ERBIN: variants seen among roughly 807,000 people sequenced by gnomAD.
ERBIN encodes the protein erbb2 interacting protein, also known as densin-180-like protein.
ERBIN carries 60 observed loss-of-function variants against 158.4 expected under a neutral mutation model. That is an observed-to-expected ratio of 0.38 (90% confidence interval 0.31 to 0.47). The LOEUF is 0.47. Ranked by LOEUF, ERBIN falls within the 20% of genes least tolerant of loss-of-function variation. The probability of loss-of-function intolerance (pLI) is 0.99; values close to 1 mark genes in which losing one functional copy is unlikely to be tolerated. For synonymous variants in ERBIN, 594 were observed against 557.2 expected, an observed-to-expected ratio of 1.07 and a Z score of -0.93; for missense variants, 1,610 against 1,648.0, an observed-to-expected ratio of 0.98 and a Z score of 0.40.
intron 15 of ERBIN, among the ~76,000 whole-genome samples, chr5:66,041,284 C>T (rs940123028): frequency 7.2e-5 from 11 of 151,952 alleles, no homozygotes; most frequent in Admixed American, 7.2e-4. Flanking sequence ...TGGAAAAGTC[C>T]TGGGTATGAC....
At chr5:66,046,313 A>G in intron 17 of ERBIN, 40 bp from the exon 18 acceptor site, 1 of 1,215,258 alleles carries the variant, frequency 8.2e-7, no homozygotes, top group Non-Finnish European at 1.1e-6. Context: ...TAGATATAAA[A>G]CTTAAAGAAT....
In ERBIN at chr5:66,042,671, T is replaced by C. The variant is rs1284187756; in HGVS notation, c.1307-406T>C. 2.6e-5 allele frequency among the ~76,000 whole-genome samples: 4 copies of C among 152,118 alleles called. 1 individual carries two copies. Among genetic ancestry groups the C allele is most frequent in the Non-Finnish European group, 5.9e-5 (4 of 67,954 alleles). ...TTTCCATTATTTTTACATTTTGATA[T>C]AGAAAATATATTGTAAGAACTTAGT... On this transcript the variant is annotated intron_variant, in intron 15 of 25. Coordinates refer to ENST00000284037, the MANE Select transcript of ERBIN (RefSeq NM_001253697.2).
In ERBIN at chr5:66,043,115, T is replaced by G; in HGVS notation, c.1345T>G (p.Leu449Val). ...AGATAATGAAAGTTTTAACCCTTCA[T>G]TGTGGGAGGAACAGAGGAAACAGCG... The part of the protein sequence containing the change: ...ISDNESFNPS[L>V]WEEQRKQRAQ... Residue 449 changes from leucine to valine, a missense_variant, in exon 16 of 26, where the codon TTG becomes GTG. By Grantham distance (32) the Leu-to-Val change is conservative (BLOSUM62 1). Transcript: ENST00000284037. 6.2e-7 allele frequency: 1 copy of G among 1,610,452 alleles called. No homozygotes were observed. The highest frequency in any genetic ancestry group is 1.1e-5 in the South Asian group (1 of 90,994).
intron 1 of ERBIN, among the ~76,000 whole-genome samples, chr5:65,983,262 TATAAGTATG>T (rs1368811477): frequency 2.6e-5 from 4 of 152,212 alleles, no homozygotes; most frequent in African/African-American, 9.6e-5. Flanking sequence ...ATCTTCTAGT[TATAAGTATG>T]ATCTAGCCAT....
chr5:66,004,176 C>T (rs2151082554), intron 4 of ERBIN, among the ~76,000 whole-genome samples: 1 of 149,762 alleles, frequency 6.7e-6, no homozygotes, highest in South Asian at 2.1e-4. Flanking sequence ...TCCTTGTCCT[C>T]AAACAGTACT....
chr5:66,050,610 T>G (rs994086752), intron 19 of ERBIN, among the ~76,000 whole-genome samples, 173 bp from the exon 20 acceptor site: 6 of 152,056 alleles, frequency 3.9e-5, no homozygotes, highest in African/African-American at 1.4e-4. Flanking sequence ...CATCTAAAAA[T>G]TATTTAATCT....
intron 1 of ERBIN, among the ~76,000 whole-genome samples, chr5:65,929,608 A>C (rs73105531): frequency 0.032 from 4,768 of 149,760 alleles, 126 homozygotes; most frequent in African/African-American, 0.072. Flanking sequence ...CTCTATTATA[A>C]ACCTCTAAAG....
rs1755124740 is a variant in ERBIN, at chr5:66,018,487, TTATATTATATA to T, written c.534-2834_534-2824del. On this transcript the variant is annotated intron_variant, in intron 7 of 25. Transcript: ENST00000284037. ...TATAATATATATTATATATTATATA[TTATATTATATA>T]ATATATATTATATATTATATAATAT... 3.0e-4 allele frequency among the ~76,000 whole-genome samples: 2 copies of T among 6,588 alleles called. 1 individual carries two copies. The highest frequency in any genetic ancestry group is 9.3e-3 in the South Asian group (2 of 214). The allele number at this position is 6,588 out of a possible 152,430, so 4.3% of individuals were successfully genotyped here.
intron 1 of ERBIN, among the ~76,000 whole-genome samples, chr5:65,929,351 A>G (rs528601680): frequency 6.6e-6 from 1 of 152,350 alleles, no homozygotes; most frequent in South Asian, 2.1e-4. Context: ...TACGGATAAT[A>G]CGATTTAGAC....
chr5:66,004,221 C>T (rs1329355984), intron 4 of ERBIN, among the ~76,000 whole-genome samples: 1 of 151,528 alleles, frequency 6.6e-6, no homozygotes, highest in Non-Finnish European at 1.5e-5. Flanking sequence ...AGTGGGAATA[C>T]AGGCGTGAGC....
chr5:65,998,363 T>C (rs1331782299), intron 4 of ERBIN, among the ~76,000 whole-genome samples: 6 of 151,590 alleles, frequency 4.0e-5, no homozygotes, highest in Non-Finnish European at 8.8e-5. Flanking sequence ...TTTAAGGATT[T>C]ATTATTTGCT....
rs1245116215 is a variant in ERBIN at position 66,018,453 on chromosome 5, AT to A, written c.534-2867del. Among the ~76,000 whole-genome samples, 14 of 28,712 alleles carry A rather than the reference AT, an allele frequency of 4.9e-4. 3 individuals carry two copies. The highest frequency in any genetic ancestry group is 1.8e-3 in the East Asian group (2 of 1,114). The allele number at this position is 28,712 out of a possible 152,430, so 18.8% of individuals were successfully genotyped here. On this transcript the variant is annotated intron_variant, in intron 7 of 25. Transcript: ENST00000284037. ...AATTGATATATATAATATAATATAT[AT>A]TATATTATATAATATATATTATATA...
At chr5:65,968,960 A>G (rs1000300166) in intron 1 of ERBIN, among the ~76,000 whole-genome samples, 4 of 152,224 alleles carry the variant, frequency 2.6e-5, no homozygotes, top group African/African-American at 7.2e-5. Context: ...CTTTGTTTCA[A>G]ATAAGAAGGG....
intron 7 of ERBIN, among the ~76,000 whole-genome samples, chr5:66,020,363 G>A (rs528561524): frequency 8.6e-5 from 13 of 151,912 alleles, no homozygotes; most frequent in Non-Finnish European, 1.6e-4. Flanking sequence ...GAAATAGTCT[G>A]TGTTTTTCGT....
intron 11 of ERBIN, 115 bp downstream of exon 11, chr5:66,025,667 A>AT (rs1323425686): frequency 2.5e-5 from 23 of 922,636 alleles, no homozygotes; most frequent in Non-Finnish European, 3.7e-5. Flanking sequence ...CATTTAAGTA[A>AT]TTAGTATACA....
intron 23 of ERBIN, among the ~76,000 whole-genome samples, chr5:66,075,643 C>T (rs1269770268): frequency 1.3e-5 from 2 of 151,928 alleles, no homozygotes; most frequent in African/African-American, 2.4e-5. Flanking sequence ...TAAAAGTCAG[C>T]GAGCTACACA....
chr5:65,972,336 A>G (rs1256448945), intron 1 of ERBIN, among the ~76,000 whole-genome samples: 2 of 151,646 alleles, frequency 1.3e-5, no homozygotes, highest in Admixed American at 6.6e-5. Flanking sequence ...GTGTCCTTAC[A>G]CTCATTGAGA....
At chr5:65,996,708 C>A (rs1280400458) in intron 4 of ERBIN, among the ~76,000 whole-genome samples, 1 of 152,074 alleles carries the variant, frequency 6.6e-6, no homozygotes, top group Non-Finnish European at 1.5e-5. Flanking sequence ...AATCTGTAGA[C>A]CACTTTGGGT....
rs190576335 is a variant in ERBIN at position 66,032,098 on chromosome 5, A to G, written c.1206+3755A>G. ...GCATTTAGGTGCAAAGCAGCATAGT[A>G]TATTCCATAACTCTACAAGCAGATC... On this transcript the variant is annotated intron_variant, in intron 14 of 25. Coordinates refer to ENST00000284037, the MANE Select transcript of ERBIN (RefSeq NM_001253697.2). Among the ~76,000 whole-genome samples, 3 of 152,300 alleles carry G rather than the reference A, an allele frequency of 2.0e-5. No homozygotes were observed. In the East Asian group the frequency reaches 5.8e-4, roughly 29 times the overall value.
Sources: allele counts gnomAD v4.1 joint callset (sites outside exome capture counted in the v4.1 genomes callset), GRCh38; gene constraint gnomAD v4.1.1; transcripts MANE v1.5; gene names NCBI Gene and HGNC (gene_info 2026-07-23, HGNC 2026-07-21).